PPP1R21: variants seen among roughly 807,000 people sequenced by gnomAD.
PPP1R21 encodes KLRAQ motif containing 1.
Under a neutral mutation model 112.8 loss-of-function variants are expected in PPP1R21, and 85 were observed. That is an observed-to-expected ratio of 0.75 (90% CI 0.63 to 0.90). PPP1R21 has a LOEUF of 0.90. Among genes scored for constraint, PPP1R21 ranks in the 40% least tolerant of loss-of-function variants. The probability of loss-of-function intolerance (pLI) is 0.00; values close to 1 mark genes in which losing one functional copy is unlikely to be tolerated. For missense variants in PPP1R21, 1,199 were observed against 901.5 expected (o/e 1.33, Z -4.23); for synonymous variants, 381 against 322.3 (o/e 1.18, Z -1.95).
intron 1 of PPP1R21, among the ~76,000 whole-genome samples, chr2:48,442,166 T>C (rs758439679): frequency 4.6e-5 from 7 of 152,222 alleles, no homozygotes; most frequent in Non-Finnish European, 1.0e-4. Flanking sequence ...GAGTGTTTCC[T>C]TGCTTGAAGG....
intron 19 of PPP1R21, among the ~76,000 whole-genome samples, chr2:48,509,107 T>C (rs1174584855): frequency 7.2e-6 from 1 of 139,658 alleles, no homozygotes. Context: ...AGGATTTTTC[T>C]TTTATCGTTT....
chr2:48,498,673 A>G lies in PPP1R21; in HGVS notation c.1873A>G (p.Thr625Ala). The G allele has an allele frequency of 6.2e-7, 1 of 1,614,212 alleles. No individual in the cohort carries two copies. Among genetic ancestry groups the G allele is most frequent in the Non-Finnish European group, 8.5e-7 (1 of 1,180,026 alleles). ...LAQENAAVSN[T>A]AGQDEATAKA... ...CCAGGAAAATGCTGCTGTGTCAAAT[A>G]CTGCTGGCCAGGATGAAGCCACAGC... The change falls in exon 17 of 22, where the codon ACT (threonine) becomes GCT (alanine). Residue 625 changes from threonine to alanine, a missense_variant. Transcript: ENST00000294952.
chr2:48,475,524 A>T lies in PPP1R21; in HGVS notation c.1225+705A>T, dbSNP rs113876037. ...GGGGAGCTTTAGTAGTAAAAATGCC[A>T]TTTGTTCCCCTTTGGCCTAACTTCA... On this transcript the variant is annotated intron_variant, in intron 12 of 21. Transcript: ENST00000294952. Among the ~76,000 whole-genome samples, 230 of 152,050 alleles carry T rather than the reference A, an allele frequency of 1.5e-3. 3 individuals are homozygous for T. The highest frequency in any genetic ancestry group is 5.2e-3 in the African/African-American group (214 of 41,478).
At chr2:48,509,464 G>A (rs1325420834) in intron 19 of PPP1R21, among the ~76,000 whole-genome samples, 1 of 151,932 alleles carries the variant, frequency 6.6e-6, no homozygotes, top group Non-Finnish European at 1.5e-5. Flanking sequence ...CCAGCACTTT[G>A]GGAGGCTGAG....
chr2:48,472,928 T>G (rs1668587103), intron 11 of PPP1R21, among the ~76,000 whole-genome samples: 1 of 141,434 alleles, frequency 7.1e-6, no homozygotes, highest in African/African-American at 2.6e-5. Context: ...ATAGAGTCCC[T>G]GCCTCTTAAA....
intron 15 of PPP1R21, among the ~76,000 whole-genome samples, chr2:48,491,956 C>T (rs1669586627): frequency 6.6e-6 from 1 of 152,076 alleles, no homozygotes; most frequent in Admixed American, 6.5e-5. Flanking sequence ...CCAGAGCTGC[C>T]AGCTGTCATC....
chr2:48,449,841 T>C (rs968448431), intron 1 of PPP1R21, among the ~76,000 whole-genome samples: 17 of 152,084 alleles, frequency 1.1e-4, no homozygotes, highest in Non-Finnish European at 2.9e-5. Context: ...TCTTTCATGA[T>C]ATCTGCACTG....
intron 2 of PPP1R21, among the ~76,000 whole-genome samples, chr2:48,451,998 A>G (rs939483718): frequency 6.6e-6 from 1 of 152,168 alleles, no homozygotes; most frequent in African/African-American, 2.4e-5. Context: ...CAGGGTTGAG[A>G]TGGTTCTGAA....
At chr2:48,469,582 A>G (rs933740497) in intron 9 of PPP1R21, among the ~76,000 whole-genome samples, 14 of 145,102 alleles carry the variant, frequency 9.6e-5, no homozygotes, top group Non-Finnish European at 2.1e-4. Flanking sequence ...ATATATATAT[A>G]TATGCTAACC....
At chr2:48,480,074 CT>C in intron 13 of PPP1R21, 58 bp downstream of exon 13, 1 of 1,139,764 alleles carries the variant, frequency 8.8e-7, no homozygotes, top group Non-Finnish European at 1.3e-6. Flanking sequence ...TTCGATCTGC[CT>C]GAATAAGATT....
chr2:48,442,362 C>G (rs898702361), intron 1 of PPP1R21, among the ~76,000 whole-genome samples: 5 of 152,116 alleles, frequency 3.3e-5, no homozygotes, highest in Admixed American at 1.3e-4. Context: ...CTCCAGAAAG[C>G]CAGCAAGCTC....
intron 17 of PPP1R21, among the ~76,000 whole-genome samples, chr2:48,499,240 A>G (rs1369263326): frequency 6.6e-6 from 1 of 152,182 alleles, no homozygotes; most frequent in Non-Finnish European, 1.5e-5. Flanking sequence ...TAAGCAGGAT[A>G]TCTCCTTCAA....
intron 21 of PPP1R21, 75 bp downstream of exon 21, chr2:48,511,543 A>G (rs1370799568): frequency 1.9e-6 from 3 of 1,544,726 alleles, no homozygotes; most frequent in African/African-American, 2.7e-5. Context: ...TATGCATTTC[A>G]GGAGGAAGAG....
chr2:48,465,925 T>C (rs1184978432), intron 9 of PPP1R21, among the ~76,000 whole-genome samples: 1 of 152,212 alleles, frequency 6.6e-6, no homozygotes, highest in East Asian at 1.9e-4. Context: ...CAGAGGTTTA[T>C]TAGACTCCAC....
intron 12 of PPP1R21, among the ~76,000 whole-genome samples, chr2:48,478,085 C>G (rs1052914487): frequency 2.0e-5 from 3 of 152,140 alleles, no homozygotes; most frequent in Non-Finnish European, 4.4e-5. Context: ...GTTATGCTGC[C>G]ACAGGCAAGT....
chr2:48,458,681 A>C (rs1370017205), intron 4 of PPP1R21, among the ~76,000 whole-genome samples: 1 of 151,386 alleles, frequency 6.6e-6, no homozygotes, highest in Non-Finnish European at 1.5e-5. Context: ...TGAGGGTATG[A>C]ACCATGTATG....
chr2:48,463,452 GT>G (rs1374901548), intron 7 of PPP1R21, among the ~76,000 whole-genome samples: 1 of 152,184 alleles, frequency 6.6e-6, no homozygotes, highest in East Asian at 1.9e-4. Flanking sequence ...TGTGCAGGGT[GT>G]AGGTGGACAC....
Position 48,440,886 on chromosome 2 carries a change from C to G in PPP1R21, c.-68C>G. 1.0e-6 allele frequency: 1 copy of G among 954,172 alleles called. No individual in the cohort carries two copies. Among genetic ancestry groups the G allele is most frequent in the East Asian group, 5.3e-5 (1 of 18,874 alleles). 59.1% of individuals were successfully genotyped at this position (954,172 alleles called of 1,614,324 possible). A position where few individuals can be genotyped will look rare whatever the true frequency, so the allele number is the denominator to read the frequency against. On this transcript the variant is annotated 5_prime_UTR_variant, in exon 1 of 22. Coordinates refer to ENST00000294952, the MANE Select transcript of PPP1R21 (RefSeq NM_001135629.3). ...GCCTGACCCGTTCCCGGGAGCGTGT[C>G]TGGGTTTGGGGGCGGGAGACAGGCT...
At chr2:48,447,703 C>T (rs550802408) in intron 1 of PPP1R21, among the ~76,000 whole-genome samples, 5 of 152,244 alleles carry the variant, frequency 3.3e-5, no homozygotes, top group African/African-American at 7.2e-5. Context: ...AATCCCAGCA[C>T]TTTGGGAGGC....
Sources: allele counts gnomAD v4.1 joint callset (sites outside exome capture counted in the v4.1 genomes callset), GRCh38; gene constraint gnomAD v4.1.1; transcripts MANE v1.5; gene names NCBI Gene and HGNC (gene_info 2026-07-23, HGNC 2026-07-21).